Variants in SLC11A2 observed in about 807,000 individuals in gnomAD.
SLC11A2 encodes solute carrier family 11 member 2, also known as natural resistance-associated macrophage protein 2.
Under a neutral mutation model 68.0 loss-of-function variants are expected in SLC11A2, and 38 were observed. The ratio of observed to expected loss-of-function variants is 0.56; its 90% CI spans 0.43 to 0.73. The LOEUF (loss-of-function observed/expected upper bound fraction) is 0.73, where lower values mean the gene tolerates loss of function less well. Ranked by LOEUF, SLC11A2 falls within the 30% of genes least tolerant of loss-of-function variation. SLC11A2 has a pLI of 0.00. For synonymous variants in SLC11A2, 242 were observed against 250.6 expected (o/e 0.97, Z 0.32); for missense variants, 517 against 690.5 (o/e 0.75, Z 2.82).
intron 1 of SLC11A2, among the ~76,000 whole-genome samples, chr12:51,013,875 G>A (rs528219036): frequency 4.6e-5 from 7 of 152,014 alleles, no homozygotes; most frequent in Non-Finnish European, 8.8e-5. Flanking sequence ...AGGCTGGAGT[G>A]TAGTGGTGCG....
chr12:50,997,491 C>T (rs1163708088), intron 8 of SLC11A2, among the ~76,000 whole-genome samples: 2 of 151,958 alleles, frequency 1.3e-5, no homozygotes, highest in Non-Finnish European at 2.9e-5. Flanking sequence ...TGCTTGAGCC[C>T]AGGAGTTCAA....
chr12:51,026,089 C>T lies in SLC11A2; in HGVS notation c.-39+221G>A, dbSNP rs1176923730. The T allele has an allele frequency of 2.7e-6, 3 of 1,098,142 alleles. No homozygotes were observed. The Admixed American group carries it at 1.7e-4, about 63-fold the overall frequency. 68.0% of individuals were successfully genotyped at this position (1,098,142 alleles called of 1,614,324 possible). ...GCGACCTCCGGCGTTCCCTCCCTGC[C>T]CCCATCTTTGGGTCTTTCTCTGAAT... On this transcript the variant is annotated intron_variant, in intron 1 of 15. Coordinates refer to ENST00000262052, the MANE Select transcript of SLC11A2 (RefSeq NM_000617.3).
At chr12:50,976,322 G>A (rs1173614028), downstream of SLC11A2, among the ~76,000 whole-genome samples, 2 of 152,192 alleles carry the variant, frequency 1.3e-5, no homozygotes, top group Non-Finnish European at 1.5e-5. Context: ...TCCCTGGGAT[G>A]CAAGGCTGGT....
chr12:51,017,984 C>A (rs1340429489), intron 1 of SLC11A2, among the ~76,000 whole-genome samples: 1 of 152,118 alleles, frequency 6.6e-6, no homozygotes, highest in Non-Finnish European at 1.5e-5. Context: ...AAGTTACCCC[C>A]CAAAACACAT....
downstream of SLC11A2, among the ~76,000 whole-genome samples, chr12:50,983,498 C>G (rs950293182): frequency 2.0e-5 from 3 of 152,118 alleles, no homozygotes; most frequent in Admixed American, 1.3e-4. Flanking sequence ...ACTTTTGGAG[C>G]CTTATTCTAC....
the SLC11A2 span, among the ~76,000 whole-genome samples, chr12:50,965,105 T>C: frequency 1.3e-5 from 2 of 151,976 alleles, no homozygotes; most frequent in Non-Finnish European, 2.9e-5. Flanking sequence ...TGTTTTATGT[T>C]TGTGGGTTTT....
chr12:50,981,914 C>A, downstream of SLC11A2: 1 of 525,894 alleles, frequency 1.9e-6, no homozygotes, highest in Non-Finnish European at 3.3e-6. Context: ...TTCTGTACTG[C>A]TATATTGATT....
intron 10 of SLC11A2, 90 bp downstream of exon 10, chr12:50,995,539 C>G: frequency 1.6e-6 from 2 of 1,262,382 alleles, no homozygotes; most frequent in African/African-American, 1.5e-5. Flanking sequence ...TGAACATTAA[C>G]ACTAGGATGA....
intron 1 of SLC11A2, among the ~76,000 whole-genome samples, chr12:51,016,345 G>A (rs935623198): frequency 6.6e-6 from 1 of 151,606 alleles, no homozygotes; most frequent in Non-Finnish European, 1.5e-5. Flanking sequence ...TCAGGAGTTC[G>A]AGACCAGCCT....
At chr12:50,956,243 T>A in the SLC11A2 span, among the ~76,000 whole-genome samples, 1 of 152,034 alleles carries the variant, frequency 6.6e-6, no homozygotes, top group Non-Finnish European at 1.5e-5. Flanking sequence ...AATACAAAAA[T>A]TAGCTGGGTG....
At chr12:51,028,193 A>T, upstream of SLC11A2, 1 of 1,535,432 alleles carries the variant, frequency 6.5e-7, no homozygotes, top group Non-Finnish European at 8.7e-7. Flanking sequence ...CACAGTGTGG[A>T]GCTGCCTCCG....
chr12:50,955,801 TGAACA>T, the SLC11A2 span, among the ~76,000 whole-genome samples: 3 of 152,180 alleles, frequency 2.0e-5, no homozygotes, highest in Non-Finnish European at 4.4e-5. Context: ...CAATGCTACT[TGAACA>T]GATCACTATA....
At chr12:50,977,234 G>A (rs1208266364), downstream of SLC11A2, among the ~76,000 whole-genome samples, 1 of 152,210 alleles carries the variant, frequency 6.6e-6, no homozygotes, top group African/African-American at 2.4e-5. Flanking sequence ...CACGCTACCT[G>A]ACTTCAAACT....
Position 50,996,889 on chromosome 12 carries a change from A to T in SLC11A2, c.759T>A (p.Ile253=). ...CTCCCACGATGCCCACAGCCTGTTC[A>T]ATCTGTGGAGTGCGACAGCCTGAAC... The part of the protein sequence containing the change: ...PSCSGCRTPQ[I]EQAVGIVGAV... Residue 253 remains isoleucine, a synonymous_variant, in exon 9 of 16, where the codon ATT becomes ATA. Transcript: ENST00000262052. The T allele has an allele frequency of 6.2e-7, 1 of 1,614,104 alleles. No individual in the cohort carries two copies. Among genetic ancestry groups the T allele is most frequent in the Non-Finnish European group, 8.5e-7 (1 of 1,180,002 alleles).
Position 50,987,352 on chromosome 12 carries a change from C to T in SLC11A2, c.*973G>A, listed in dbSNP as rs1015963346. The T allele has an allele frequency of 7.0e-6, 9 of 1,287,178 alleles. No homozygotes were observed. The highest frequency in any genetic ancestry group is 3.3e-4 in the Middle Eastern group (1 of 3,064). The allele number at this position is 1,287,178 out of a possible 1,614,324, so 79.7% of individuals were successfully genotyped here. On this transcript the variant is annotated 3_prime_UTR_variant, in exon 16 of 16. Coordinates refer to ENST00000262052, the MANE Select transcript of SLC11A2 (RefSeq NM_000617.3). ...AAGTCATCTTGGGCATGAAGCAGAG[C>T]GGTGCATCAGAAAAACATGACGATT...
Position 50,999,206 on chromosome 12 carries a change from T to C in SLC11A2, c.643A>G (p.Ile215Val). 6.2e-7 allele frequency: 1 copy of C among 1,613,538 alleles called. No homozygotes were observed. The highest frequency in any genetic ancestry group is 2.2e-5 in the East Asian group (1 of 44,860). Residue 215 changes from isoleucine (I) to valine (V), a missense_variant, in exon 8 of 16, where the codon ATC becomes GTC. Coordinates refer to ENST00000262052, the MANE Select transcript of SLC11A2 (RefSeq NM_000617.3). The stretch of plus-strand genomic sequence containing the variant: ...CCAAATGTGAGGGCCATAATAGTGA[T>C]GAGAAAGCCAAAAAATGCTTCTAGC... ...RKLEAFFGFL[I>V]TIMALTFGYE...
the SLC11A2 span, chr12:50,953,781 C>T: frequency 2.0e-6 from 1 of 498,248 alleles, no homozygotes; most frequent in Non-Finnish European, 3.6e-6. Context: ...ATCATTTCCT[C>T]TATGTATTTT....
upstream of SLC11A2, chr12:51,028,369 G>A: frequency 1.8e-6 from 1 of 565,708 alleles, no homozygotes; most frequent in Non-Finnish European, 3.2e-6. Flanking sequence ...ATTTCAAGAG[G>A]CAAACCACGC....
chr12:50,956,970 T>C, the SLC11A2 span, among the ~76,000 whole-genome samples: 1 of 151,196 alleles, frequency 6.6e-6, no homozygotes, highest in Non-Finnish European at 1.5e-5. Flanking sequence ...TCCTCATATG[T>C]CTACCATCAT....
Sources: allele counts gnomAD v4.1 joint callset (sites outside exome capture counted in the v4.1 genomes callset), GRCh38; gene constraint gnomAD v4.1.1; transcripts MANE v1.5; gene names NCBI Gene and HGNC (gene_info 2026-07-23, HGNC 2026-07-21).